The following CRY1 variants were observed in gnomAD, a reference collection of about 807,000 sequenced individuals.
CRY1 encodes cryptochrome-1.
Under a neutral mutation model 76.0 loss-of-function variants are expected in CRY1, and 45 were observed. That is an observed-to-expected ratio of 0.59 (90% CI 0.47 to 0.76). The LOEUF is 0.76. CRY1 is among the 30% of genes least tolerant of loss of function. The pLI is 0.00. For synonymous variants in CRY1, 248 were observed against 244.0 expected (o/e 1.02, Z -0.15); for missense variants, 587 against 716.4 (o/e 0.82, Z 2.06).
chr12:107,033,235 T>C (rs1314518062), intron 1 of CRY1, among the ~76,000 whole-genome samples: 2 of 152,148 alleles, frequency 1.3e-5, no homozygotes, highest in African/African-American at 4.8e-5. Flanking sequence ...GGAATAATTC[T>C]AAGTCACTAA....
intron 2 of CRY1, among the ~76,000 whole-genome samples, chr12:107,014,482 G>A (rs559637364): frequency 2.6e-5 from 4 of 152,132 alleles, no homozygotes; most frequent in South Asian, 4.1e-4. Flanking sequence ...GGGCAAGAAG[G>A]GTGGGTTTGG....
In CRY1 at chr12:107,011,118, G is replaced by A. The variant is rs370564105; in HGVS notation, c.268-5870C>T. Among the ~76,000 whole-genome samples the A allele has an allele frequency of 5.9e-4, 90 of 152,234 alleles. No homozygotes were observed. In the East Asian group the frequency reaches 0.014, roughly 24 times the overall value. ...TCCCAGCACTTTGGGAGGCCAAGGC[G>A]GGCGGATCACGAGGTCAGGAGTTCC... On this transcript the variant is annotated intron_variant, in intron 2 of 12. Transcript: ENST00000008527.
intron 1 of CRY1, among the ~76,000 whole-genome samples, chr12:107,026,659 TG>T (rs1952619653): frequency 6.6e-6 from 1 of 152,142 alleles, no homozygotes; most frequent in African/African-American, 2.4e-5. Context: ...GGGTGTCTTG[TG>T]TAACTGTTGA....
At chr12:107,058,415 T>A (rs1213642563) in intron 1 of CRY1, among the ~76,000 whole-genome samples, 1 of 151,936 alleles carries the variant, frequency 6.6e-6, no homozygotes. Context: ...ACACAATGAA[T>A]GAGCTCAAGT....
intron 1 of CRY1, among the ~76,000 whole-genome samples, chr12:107,072,498 T>C (rs753742476): frequency 4.1e-4 from 63 of 152,200 alleles, no homozygotes; most frequent in Non-Finnish European, 7.5e-4. Flanking sequence ...AATTGCTTTA[T>C]AGGTGAATTC....
chr12:107,003,245 CAATT>C (rs1224053558), intron 3 of CRY1, among the ~76,000 whole-genome samples: 2 of 152,042 alleles, frequency 1.3e-5, no homozygotes, highest in Non-Finnish European at 2.9e-5. Flanking sequence ...TTAACTCAAT[CAATT>C]ATTAATTAAA....
chr12:107,002,803 G>C (rs1952326476), intron 3 of CRY1, among the ~76,000 whole-genome samples: 1 of 152,290 alleles, frequency 6.6e-6, no homozygotes, highest in East Asian at 1.9e-4. Context: ...CTGTTCTCAT[G>C]ATAGTGAGTA....
intron 3 of CRY1, among the ~76,000 whole-genome samples, chr12:107,004,205 T>C (rs55839311): frequency 6.6e-6 from 1 of 152,128 alleles, no homozygotes; most frequent in Non-Finnish European, 1.5e-5. Flanking sequence ...GTTAAGCAAA[T>C]TGGTGAGCTC....
chr12:106,994,528 G>A (rs1952212430), intron 10 of CRY1, among the ~76,000 whole-genome samples: 1 of 152,060 alleles, frequency 6.6e-6, no homozygotes, highest in African/African-American at 2.4e-5. Flanking sequence ...CAAGAAGCTG[G>A]CTACAAACTA....
At chr12:106,993,425 G>A (rs562103142) in intron 10 of CRY1, among the ~76,000 whole-genome samples, 1 of 151,584 alleles carries the variant, frequency 6.6e-6, no homozygotes, top group East Asian at 2.0e-4. Flanking sequence ...GAGGATAAGG[G>A]AATAAGGGCC....
chr12:107,093,030 T>G lies in CRY1; in HGVS notation c.-69A>C. ...GAGGCTCCGGCTCATAGCCGACACC[T>G]TCGCTTCCAAGAGAATTGCCTCACC... is the stretch of plus-strand genomic sequence containing the variant. On this transcript the variant is annotated 5_prime_UTR_variant, in exon 1 of 13. Transcript: ENST00000008527. 1 of 1,434,600 alleles carries G rather than the reference T, an allele frequency of 7.0e-7. No individual in the cohort carries two copies. The highest frequency in any genetic ancestry group is 9.1e-7 in the Non-Finnish European group (1 of 1,096,466). The allele number at this position is 1,434,600 out of a possible 1,614,324, so 88.9% of individuals were successfully genotyped here.
chr12:107,052,428 G>C (rs1378300058), intron 1 of CRY1, among the ~76,000 whole-genome samples: 1 of 152,092 alleles, frequency 6.6e-6, no homozygotes, highest in Non-Finnish European at 1.5e-5. Context: ...AAACACACCT[G>C]TGGTTTTTTA....
At chr12:107,064,843 T>C (rs1953091941) in intron 1 of CRY1, among the ~76,000 whole-genome samples, 1 of 152,182 alleles carries the variant, frequency 6.6e-6, no homozygotes, top group Non-Finnish European at 1.5e-5. Flanking sequence ...ACAAATATGT[T>C]AGAAGAAAAA....
chr12:107,021,950 A>G, intron 2 of CRY1, 134 bp downstream of exon 2: 1 of 643,400 alleles, frequency 1.6e-6, no homozygotes, highest in Non-Finnish European at 2.6e-6. Context: ...TTAAATAAAG[A>G]AAAAAAACCC....
rs548504395 is a variant in CRY1 at position 107,006,194 on chromosome 12, T to TGGC, written c.268-949_268-947dup. On this transcript the variant is annotated intron_variant, in intron 2 of 12. Coordinates refer to ENST00000008527, the MANE Select transcript of CRY1 (RefSeq NM_004075.5). ...TGAGGTCAGGAGTTCAAGACCAGCCTGGCCAGCATGGTGAAACCCCGTCTC... is the reference window on the plus strand; with the variant it reads ...TGAGGTCAGGAGTTCAAGACCAGCCTGGCGGCCAGCATGGTGAAACCCCGTCTC... Among the ~76,000 whole-genome samples, 1,237 of 152,178 alleles carry TGGC rather than the reference T, an allele frequency of 8.1e-3. 8 individuals carry two copies. Among genetic ancestry groups the TGGC allele is most frequent in the Admixed American group, 0.012 (179 of 15,276 alleles).
At chr12:107,066,022 T>C (rs911656592) in intron 1 of CRY1, among the ~76,000 whole-genome samples, 2 of 152,336 alleles carry the variant, frequency 1.3e-5, no homozygotes, top group South Asian at 4.1e-4. Flanking sequence ...ATAAGTCTAA[T>C]TCAAAAATAA....
chr12:107,059,051 C>T (rs1425671804), intron 1 of CRY1, among the ~76,000 whole-genome samples: 1 of 152,022 alleles, frequency 6.6e-6, no homozygotes. Context: ...TTCTGGCAGT[C>T]CCTCATATTA....
chr12:107,086,145 G>A (rs1389439586), intron 1 of CRY1, among the ~76,000 whole-genome samples: 2 of 151,952 alleles, frequency 1.3e-5, no homozygotes, highest in African/African-American at 4.8e-5. Context: ...TAAGCTACCT[G>A]GCAAAAAAAA....
At chr12:107,025,696 ATCTC>A (rs1311495315) in intron 1 of CRY1, among the ~76,000 whole-genome samples, 3 of 151,990 alleles carry the variant, frequency 2.0e-5, no homozygotes, top group African/African-American at 7.2e-5. Flanking sequence ...CCTACTAACA[ATCTC>A]TCTCCATTCT....
Sources: gnomAD v4.1 joint callset for allele counts (sites outside exome capture counted in the v4.1 genomes callset) on GRCh38, gnomAD v4.1.1 for gene constraint, MANE v1.5 for transcripts, NCBI Gene and HGNC (gene_info 2026-07-23, HGNC 2026-07-21) for gene names.